Variants in NIPAL2 observed in about 807,000 individuals in gnomAD.
NIPAL2 encodes NIPA like domain containing 2.
A neutral mutation model predicts 48.9 loss-of-function variants in NIPAL2; 43 were observed. The observed-to-expected ratio is 0.88, with a 90% CI of 0.69 to 1.13. The LOEUF (loss-of-function observed/expected upper bound fraction) is 1.13. Ranked by LOEUF, NIPAL2 falls within the 50% of genes most tolerant of loss-of-function variation. The pLI is 0.00. For missense variants in NIPAL2, 446 were observed against 461.4 expected (o/e 0.97, Z 0.31); for synonymous variants, 167 against 174.6 (o/e 0.96, Z 0.34).
At chr8:98,290,395 A>G (rs1367613715) in intron 1 of NIPAL2, among the ~76,000 whole-genome samples, 3 of 152,256 alleles carry the variant, frequency 2.0e-5, no homozygotes, top group Non-Finnish European at 4.4e-5. Flanking sequence ...TTGTGAATTT[A>G]GACATTTAAC....
chr8:98,280,761 T>TATAGAGAGAGAGAGAGAGAG, intron 1 of NIPAL2, among the ~76,000 whole-genome samples: 17 of 30,024 alleles, frequency 5.7e-4, no homozygotes, highest in Admixed American at 1.3e-3. Context: ...TATATATATA[T>TATAGAGAGAGAGAGAGAGAG]AGAGAGAGAG....
At chr8:98,250,375 T>C (rs1813526178) in intron 3 of NIPAL2, among the ~76,000 whole-genome samples, 1 of 152,214 alleles carries the variant, frequency 6.6e-6, no homozygotes. Flanking sequence ...CTCTAGAGTT[T>C]CTAGAGTCTT....
intron 3 of NIPAL2, 148 bp from the exon 4 acceptor site, chr8:98,236,362 C>G (rs1244786132): frequency 3.8e-6 from 2 of 532,112 alleles, no homozygotes; most frequent in African/African-American, 4.0e-5. Context: ...TATAAAAAGG[C>G]CTTTCTTCCC....
chr8:98,277,536 CA>C (rs1010446703), intron 1 of NIPAL2, among the ~76,000 whole-genome samples: 13 of 149,494 alleles, frequency 8.7e-5, no homozygotes, highest in Admixed American at 2.0e-4. Flanking sequence ...GAATCTGTCT[CA>C]AAAAAAAACC....
chr8:98,259,603 T>C (rs915850524), intron 1 of NIPAL2, among the ~76,000 whole-genome samples: 37 of 152,238 alleles, frequency 2.4e-4, no homozygotes, highest in African/African-American at 8.7e-4. Flanking sequence ...TCTATTTCCC[T>C]ATCCCTTGAA....
intron 7 of NIPAL2, among the ~76,000 whole-genome samples, chr8:98,204,870 A>G (rs1021742814): frequency 1.4e-4 from 22 of 152,034 alleles, no homozygotes; most frequent in Non-Finnish European, 2.8e-4. Context: ...ATCAAAGTGC[A>G]CTTAGCTGGA....
At chr8:98,198,936 T>TTTTTTC (rs533723488) in intron 8 of NIPAL2, among the ~76,000 whole-genome samples, 1 of 151,936 alleles carries the variant, frequency 6.6e-6, no homozygotes, top group Non-Finnish European at 1.5e-5. Context: ...TTCAAAAAGT[T>TTTTTTC]TTTTTCTTTT....
intron 4 of NIPAL2, among the ~76,000 whole-genome samples, chr8:98,233,458 A>G (rs1260603466): frequency 6.6e-6 from 1 of 152,144 alleles, no homozygotes; most frequent in Admixed American, 6.5e-5. Context: ...AATTATATTG[A>G]CAAAGCTTTG....
intron 5 of NIPAL2, among the ~76,000 whole-genome samples, chr8:98,221,734 A>T (rs1166272174): frequency 6.6e-6 from 1 of 152,216 alleles, no homozygotes; most frequent in Non-Finnish European, 1.5e-5. Flanking sequence ...AATCAAAACC[A>T]CAGTGAGATA....
intron 1 of NIPAL2, among the ~76,000 whole-genome samples, chr8:98,256,419 G>C (rs1813894860): frequency 1.3e-5 from 2 of 152,118 alleles, no homozygotes; most frequent in Admixed American, 6.6e-5. Context: ...TATCTGGATT[G>C]AGATCCAGAA....
At chr8:98,223,704 C>T (rs1812013209) in intron 4 of NIPAL2, among the ~76,000 whole-genome samples, 1 of 152,178 alleles carries the variant, frequency 6.6e-6, no homozygotes, top group African/African-American at 2.4e-5. Context: ...AGCTAGACAA[C>T]AGCAATTCAG....
In NIPAL2 at chr8:98,190,543, A is replaced by C. The variant is rs1191548434; in HGVS notation, c.*2435T>G. The stretch of plus-strand genomic sequence containing the variant: ...TCACTATGTTGACCAGGCTGGTCCC[A>C]AACTCCTAACCTCAGATGATCTGTC... On this transcript the variant is annotated 3_prime_UTR_variant, in exon 11 of 11. Transcript: ENST00000430223. 6.6e-6 allele frequency: 1 copy of C among 152,190 alleles called. No individual in the cohort carries two copies. 9.4% of individuals were successfully genotyped at this position (152,190 alleles called of 1,614,324 possible).
intron 6 of NIPAL2, among the ~76,000 whole-genome samples, chr8:98,205,491 A>G (rs1034001230): frequency 2.7e-5 from 4 of 146,486 alleles, no homozygotes; most frequent in Admixed American, 6.7e-5. Context: ...TTTTTTTTTT[A>G]TCTGTGGAGC....
intron 1 of NIPAL2, among the ~76,000 whole-genome samples, chr8:98,280,759 T>TAGAGAGAGAGAGAGAG (rs765271866): frequency 1.6e-4 from 5 of 31,286 alleles, no homozygotes; most frequent in Non-Finnish European, 2.1e-4. Flanking sequence ...TATATATATA[T>TAGAGAGAGAGAGAGAG]ATAGAGAGAG....
chr8:98,210,221 A>G (rs375141615), intron 6 of NIPAL2, among the ~76,000 whole-genome samples: 6 of 152,016 alleles, frequency 3.9e-5, no homozygotes, highest in Middle Eastern at 3.4e-3. Flanking sequence ...CTTGAGTTGA[A>G]TGCTTAATTG....
At chr8:98,260,724 G>T (rs1814262136) in intron 1 of NIPAL2, among the ~76,000 whole-genome samples, 1 of 152,250 alleles carries the variant, frequency 6.6e-6, no homozygotes, top group Non-Finnish European at 1.5e-5. Flanking sequence ...CATTGCCCAG[G>T]CTTGATTAGG....
chr8:98,243,520 C>T (rs1813109537), intron 3 of NIPAL2, among the ~76,000 whole-genome samples: 1 of 152,182 alleles, frequency 6.6e-6, no homozygotes, highest in Admixed American at 6.5e-5. Context: ...CATTCACCTA[C>T]TCTCTGAAAT....
intron 3 of NIPAL2, among the ~76,000 whole-genome samples, chr8:98,236,712 C>T (rs1812733139): frequency 6.6e-6 from 1 of 151,622 alleles, no homozygotes; most frequent in Non-Finnish European, 1.5e-5. Flanking sequence ...ATTAGTGGGG[C>T]ATGGTGGCGT....
In NIPAL2 at chr8:98,232,012, T is replaced by A. The variant is rs973962224; in HGVS notation, c.436+4143A>T. Among the ~76,000 whole-genome samples, 126 of 152,200 alleles carry A rather than the reference T, an allele frequency of 8.3e-4. 1 individual carries two copies. The highest frequency in any genetic ancestry group is 1.5e-3 in the South Asian group (7 of 4,814). ...GAAAAAGATGCTTTTTTTAAAAAATTTTTTTTTTGCTTTTAGCAGAAAAAG... is the reference window on the plus strand; with the variant it reads ...GAAAAAGATGCTTTTTTTAAAAAATATTTTTTTTGCTTTTAGCAGAAAAAG... On this transcript the variant is annotated intron_variant, in intron 4 of 10. Transcript: ENST00000430223.
Sources: gnomAD v4.1 joint callset for allele counts (sites outside exome capture counted in the v4.1 genomes callset) on GRCh38, gnomAD v4.1.1 for gene constraint, MANE v1.5 for transcripts, NCBI Gene and HGNC (gene_info 2026-07-23, HGNC 2026-07-21) for gene names.